SORBS2: variants seen among roughly 807,000 people sequenced by gnomAD.
SORBS2 encodes the protein sorbin and SH3 domain-containing protein 2.
In SORBS2, 46 loss-of-function variants were observed where a neutral mutation model predicts 97.7. The observed-to-expected ratio is 0.47, with a 90% CI of 0.37 to 0.60. SORBS2 has a LOEUF of 0.60. Among genes scored for constraint, SORBS2 ranks in the 20% least tolerant of loss-of-function variants. The probability of loss-of-function intolerance (pLI) is 0.00; values close to 1 mark genes in which losing one functional copy is unlikely to be tolerated. For synonymous variants in SORBS2, 476 were observed against 473.4 expected (o/e 1.01, Z -0.07); for missense variants, 1,316 against 1,282.3 (o/e 1.03, Z -0.40).
At chr4:185,923,485 G>A (rs868860420) in intron 1 of SORBS2, among the ~76,000 whole-genome samples, 2 of 23,606 alleles carry the variant, frequency 8.5e-5, no homozygotes, top group East Asian at 2.4e-3. Flanking sequence ...TTTTTTTTTT[G>A]TAGAGACAGG....
At chr4:185,665,743 G>T in intron 4 of SORBS2, 2 of 1,019,052 alleles carry the variant, frequency 2.0e-6, no homozygotes, top group Non-Finnish European at 2.4e-6. Flanking sequence ...ATGAGTGGCC[G>T]CAGGGGTGGT....
At chr4:185,942,382 A>C (rs115821106) in intron 1 of SORBS2, among the ~76,000 whole-genome samples, 2 of 149,646 alleles carry the variant, frequency 1.3e-5, no homozygotes, top group African/African-American at 2.5e-5. Flanking sequence ...TTGGAACCTC[A>C]CTTTGTCACT....
At chr4:185,709,160 A>G (rs2098389755) in intron 2 of SORBS2, among the ~76,000 whole-genome samples, 1 of 152,184 alleles carries the variant, frequency 6.6e-6, no homozygotes, top group South Asian at 2.1e-4. Context: ...CTGGGATTAC[A>G]GGCATGCACC....
chr4:185,731,004 G>C (rs923171313), intron 2 of SORBS2, among the ~76,000 whole-genome samples: 1 of 152,128 alleles, frequency 6.6e-6, no homozygotes, highest in Non-Finnish European at 1.5e-5. Context: ...TGCTGTTCTC[G>C]GGGAACAAAT....
intron 1 of SORBS2, among the ~76,000 whole-genome samples, chr4:185,879,157 G>C (rs1199405890): frequency 1.9e-5 from 2 of 106,592 alleles, no homozygotes; most frequent in Non-Finnish European, 3.7e-5. Context: ...ATCTCCTAAT[G>C]CTATCCCTCC....
intron 4 of SORBS2, among the ~76,000 whole-genome samples, chr4:185,640,469 T>TAA (rs2097108169): frequency 6.6e-6 from 1 of 152,198 alleles, no homozygotes; most frequent in Admixed American, 6.5e-5. Context: ...CATCCTACTA[T>TAA]TAGACATAGG....
intron 12 of SORBS2, among the ~76,000 whole-genome samples, chr4:185,608,505 T>TA (rs70962583): frequency 0.13 from 18,309 of 141,148 alleles, 1,318 homozygotes; most frequent in African/African-American, 0.22. Flanking sequence ...TCTTCTGAAG[T>TA]AAAATATACT....
upstream of SORBS2, chr4:185,657,520 G>T (rs747849247): frequency 1.0e-5 from 16 of 1,571,990 alleles, no homozygotes; most frequent in Non-Finnish European, 1.3e-5. Context: ...CTTCCTCTGA[G>T]GATCGGTACA....
At position 185,607,230 on chromosome 4, in the gene SORBS2, T is replaced by G. The variant is rs2096445798; in HGVS notation, c.2796+4550A>C. The G allele has an allele frequency of 8.3e-7, 1 of 1,203,396 alleles. No individual in the cohort carries two copies. Among genetic ancestry groups the G allele is most frequent in the Non-Finnish European group, 1.1e-6 (1 of 950,474 alleles). The allele number at this position is 1,203,396 out of a possible 1,614,324, so 74.5% of individuals were successfully genotyped here. ...GAGGTGGTGTTGGGGCCAAAGGGTT[T>G]GCTGGTAGACATGAGGCTGTCAGGG... is the stretch of plus-strand genomic sequence containing the variant. On this transcript the variant is annotated intron_variant, in intron 12 of 14. Transcript: ENST00000418609. This position sits in a 1 kb window ranked among gnomAD's most constrained non-coding sequence, Gnocchi z 5.2.
intron 4 of SORBS2, among the ~76,000 whole-genome samples, chr4:185,667,879 A>G (rs1045095217): frequency 6.6e-6 from 1 of 151,900 alleles, no homozygotes; most frequent in Admixed American, 6.6e-5. Context: ...TAATATTATG[A>G]AATTATCATA....
intron 1 of SORBS2, among the ~76,000 whole-genome samples, chr4:185,813,571 C>T (rs949910338): frequency 9.9e-5 from 15 of 152,222 alleles, no homozygotes; most frequent in Non-Finnish European, 2.1e-4. Flanking sequence ...CCTTCGCCCT[C>T]AGCCTCCCAT....
chr4:185,733,563 G>C (rs901664048), intron 2 of SORBS2, among the ~76,000 whole-genome samples: 1 of 152,320 alleles, frequency 6.6e-6, no homozygotes, highest in South Asian at 2.1e-4. Flanking sequence ...TGTGCTTGGG[G>C]ATAAGGGCGT....
chr4:185,745,300 G>C (rs939071488), intron 2 of SORBS2, among the ~76,000 whole-genome samples: 1 of 152,164 alleles, frequency 6.6e-6, no homozygotes, highest in African/African-American at 2.4e-5. Context: ...AACATGGCCA[G>C]TAAGAACACA....
intron 12 of SORBS2, among the ~76,000 whole-genome samples, chr4:185,608,619 A>G (rs1168805655): frequency 6.6e-6 from 1 of 152,244 alleles, no homozygotes; most frequent in Non-Finnish European, 1.5e-5. Flanking sequence ...TGATAAATAT[A>G]TACACCCCAT....
In SORBS2 at chr4:185,684,834, C is replaced by T. The variant is rs1220267129; in HGVS notation, c.-197-6012G>A. ...AGACATGGCGGCACGTTTGCGAGCACACCCACCGCTATCTGGAAGCAAAAA... is the reference window on the plus strand; with the variant it reads ...AGACATGGCGGCACGTTTGCGAGCATACCCACCGCTATCTGGAAGCAAAAA... On this transcript the variant is annotated intron_variant, in intron 2 of 20. Transcript: ENST00000284776. The surrounding 1 kb of genome is among the most constrained non-coding windows in gnomAD (Gnocchi z 4.2). 10 of 1,551,834 alleles carry T rather than the reference C, an allele frequency of 6.4e-6. 1 individual carries two copies. In the South Asian group the frequency reaches 7.1e-5, roughly 11 times the overall value.
chr4:185,807,925 A>G (rs1561160621), intron 1 of SORBS2, among the ~76,000 whole-genome samples: 1 of 152,222 alleles, frequency 6.6e-6, no homozygotes, highest in Non-Finnish European at 1.5e-5. Context: ...GTAGTTAGAC[A>G]TAACTGAGAC....
chr4:185,877,690 C>T (rs1262398818), intron 1 of SORBS2, among the ~76,000 whole-genome samples: 6 of 151,664 alleles, frequency 4.0e-5, no homozygotes, highest in Non-Finnish European at 8.8e-5. Flanking sequence ...AACATGGTGA[C>T]ACCCCGTCTG....
intron 1 of SORBS2, among the ~76,000 whole-genome samples, chr4:185,929,853 C>T (rs1458130222): frequency 6.6e-6 from 1 of 152,082 alleles, no homozygotes; most frequent in African/African-American, 2.4e-5. Flanking sequence ...TTTTTAAAAG[C>T]CTGATTTTGG....
At chr4:185,790,540 C>T (rs6821584) in intron 1 of SORBS2, among the ~76,000 whole-genome samples, 109,131 of 152,062 alleles carry the variant, frequency 0.72, 39,952 homozygotes, top group Non-Finnish European at 0.8. Flanking sequence ...AGGAGCTGGG[C>T]GACTCTACAG....
Sources: gnomAD v4.1 joint callset for allele counts (sites outside exome capture counted in the v4.1 genomes callset) on GRCh38, gnomAD v4.1.1 for gene constraint, Gnocchi (gnomAD v3.1) non-coding constraint, MANE v1.5 for transcripts, NCBI Gene and HGNC (gene_info 2026-07-23, HGNC 2026-07-21) for gene names.